Variants in PARN observed in about 807,000 individuals in gnomAD.
PARN encodes poly(A)-specific ribonuclease.
Under a neutral mutation model 102.8 loss-of-function variants are expected in PARN, and 71 were observed. That is an observed-to-expected ratio of 0.69 (90% CI 0.57 to 0.84). The LOEUF (loss-of-function observed/expected upper bound fraction) is 0.84. PARN is among the 40% of genes least tolerant of loss of function. The pLI is 0.00. For synonymous variants in PARN, 261 were observed against 252.9 expected, an observed-to-expected ratio of 1.03 and a Z score of -0.30; for missense variants, 782 against 760.9, an observed-to-expected ratio of 1.03 and a Z score of -0.33.
chr16:14,515,848 G>A (rs955747707), intron 21 of PARN, among the ~76,000 whole-genome samples: 1 of 152,110 alleles, frequency 6.6e-6, no homozygotes, highest in African/African-American at 2.4e-5. Context: ...GCTGAAGCAG[G>A]AGGATTGCTT....
intron 9 of PARN, 183 bp downstream of exon 9, chr16:14,608,098 T>C (rs1355058250): frequency 3.2e-6 from 2 of 615,672 alleles, no homozygotes; most frequent in Non-Finnish European, 5.8e-6. Flanking sequence ...AAAGCATCTG[T>C]TAAAAAACAA....
intron 13 of PARN, among the ~76,000 whole-genome samples, chr16:14,592,499 A>G (rs1446067020): frequency 6.6e-6 from 1 of 152,248 alleles, no homozygotes; most frequent in Non-Finnish European, 1.5e-5. Context: ...CGTATGGAGC[A>G]GAAGAGGGAG....
At chr16:14,447,938 T>TTTATC in intron 22 of PARN, among the ~76,000 whole-genome samples, 1 of 147,946 alleles carries the variant, frequency 6.8e-6, no homozygotes, top group East Asian at 2.0e-4. Context: ...CTTTTAAATT[T>TTTATC]TATCTATCTA....
intron 21 of PARN, among the ~76,000 whole-genome samples, chr16:14,544,946 G>A (rs1436440222): frequency 6.6e-6 from 1 of 152,162 alleles, no homozygotes; most frequent in African/African-American, 2.4e-5. Context: ...CGGCACTTTG[G>A]GAGGCTGAGG....
chr16:14,436,887 C>T (rs576412489), intron 23 of PARN, 115 bp from the exon 24 acceptor site: 132 of 752,122 alleles, frequency 1.8e-4, no homozygotes, highest in South Asian at 2.8e-4. Context: ...ACGGGGCCAG[C>T]GTCTGGCTAA....
chr16:14,502,122 G>A (rs912827308), intron 21 of PARN, among the ~76,000 whole-genome samples: 1 of 152,174 alleles, frequency 6.6e-6, no homozygotes, highest in African/African-American at 2.4e-5. Context: ...CTGGGCAACT[G>A]TTTTCTTATC....
At chr16:14,451,871 A>AAAAAAAAAAAAAAAAAAAATAC (rs1961470634) in intron 22 of PARN, among the ~76,000 whole-genome samples, 1 of 33,196 alleles carries the variant, frequency 3.0e-5, no homozygotes, top group Non-Finnish European at 7.3e-5. Flanking sequence ...AAAAAATACA[A>AAAAAAAAAAAAAAAAAAAATAC]AAAAAAAAAA....
At chr16:14,452,638 A>G (rs977613135) in intron 22 of PARN, among the ~76,000 whole-genome samples, 1 of 152,170 alleles carries the variant, frequency 6.6e-6, no homozygotes, top group African/African-American at 2.4e-5. Flanking sequence ...CACCCACCCT[A>G]CAGCATATTT....
intron 7 of PARN, among the ~76,000 whole-genome samples, 177 bp downstream of exon 7, chr16:14,610,467 T>C (rs777054649): frequency 4.3e-5 from 6 of 139,476 alleles, no homozygotes; most frequent in Non-Finnish European, 7.8e-5. Flanking sequence ...AGCAAGACTG[T>C]CTCAAAAAAA....
At chr16:14,603,595 A>G (rs1350325793) in intron 11 of PARN, among the ~76,000 whole-genome samples, 3 of 151,710 alleles carry the variant, frequency 2.0e-5, no homozygotes, top group East Asian at 3.9e-4. Flanking sequence ...CTACCTTCCA[A>G]GTATCTCCAG....
In PARN at chr16:14,603,560, C is replaced by T. The variant is rs913067624; in HGVS notation, c.783+586G>A. Among the ~76,000 whole-genome samples the T allele has an allele frequency of 1.2e-4, 19 of 152,260 alleles. 1 individual carries two copies. In the East Asian group the frequency reaches 2.1e-3, roughly 17 times the overall value. On this transcript the variant is annotated intron_variant, in intron 11 of 23. Transcript: ENST00000437198. ...TTCCCCCTTCCTCCTCCACCACCCACATTCAGTCATAAATTCCATGGATTC... is the reference window on the plus strand; with the variant it reads ...TTCCCCCTTCCTCCTCCACCACCCATATTCAGTCATAAATTCCATGGATTC...
At chr16:14,555,439 T>G (rs1304761181) in intron 19 of PARN, among the ~76,000 whole-genome samples, 1 of 152,170 alleles carries the variant, frequency 6.6e-6, no homozygotes, top group Non-Finnish European at 1.5e-5. Context: ...GCTTCTAAAA[T>G]TCATTTCATG....
intron 7 of PARN, 143 bp downstream of exon 7, chr16:14,610,501 A>G (rs1390614327): frequency 2.1e-6 from 1 of 478,454 alleles, no homozygotes. Flanking sequence ...TTTTTTTTTA[A>G]TATGCCACAA....
intron 21 of PARN, among the ~76,000 whole-genome samples, chr16:14,504,760 C>G (rs990418489): frequency 2.0e-5 from 3 of 152,154 alleles, no homozygotes; most frequent in Non-Finnish European, 4.4e-5. Context: ...TGCTGATCAC[C>G]TATTTTAAGC....
Position 14,462,667 on chromosome 16 carries a change from G to A in PARN, c.1671-15586C>T, listed in dbSNP as rs552087406. 8.6e-5 allele frequency among the ~76,000 whole-genome samples: 13 copies of A among 150,624 alleles called. No homozygotes were observed. In the South Asian group the frequency reaches 2.8e-3, roughly 32 times the overall value. The stretch of plus-strand genomic sequence containing the variant: ...GACAGAGAGAGAAGAAGAAGAAGAA[G>A]AAGAAAAGAAAAAAGAGGCTCTATA... On this transcript the variant is annotated intron_variant, in intron 22 of 23. Transcript: ENST00000437198.
chr16:14,451,869 C>CAAAAAAAAAAAAAAAAAAAAAAAAAAAAA (rs869041563), intron 22 of PARN, among the ~76,000 whole-genome samples: 40 of 52,492 alleles, frequency 7.6e-4, no homozygotes, highest in Admixed American at 1.4e-3. Flanking sequence ...AAAAAAAATA[C>CAAAAAAAAAAAAAAAAAAAAAAAAAAAAA]AAAAAAAAAA....
At chr16:14,452,601 T>G (rs1961512880) in intron 22 of PARN, among the ~76,000 whole-genome samples, 1 of 152,186 alleles carries the variant, frequency 6.6e-6, no homozygotes, top group Non-Finnish European at 1.5e-5. Context: ...CCTCCCAAAG[T>G]GCTGGGATTA....
chr16:14,623,714 G>C (rs753502735), intron 5 of PARN, among the ~76,000 whole-genome samples: 2 of 151,414 alleles, frequency 1.3e-5, no homozygotes, highest in Admixed American at 6.6e-5. Flanking sequence ...GCAGGTGCCT[G>C]TAGTCCCAGA....
chr16:14,455,714 C>G (rs773413435), intron 22 of PARN, among the ~76,000 whole-genome samples: 6 of 152,166 alleles, frequency 3.9e-5, no homozygotes, highest in Admixed American at 2.0e-4. Context: ...CTATTAATAG[C>G]AGGCAGGGCC....
Sources: gnomAD v4.1 joint callset for allele counts (sites outside exome capture counted in the v4.1 genomes callset) on GRCh38, gnomAD v4.1.1 for gene constraint, MANE v1.5 for transcripts, NCBI Gene and HGNC (gene_info 2026-07-23, HGNC 2026-07-21) for gene names.